Variants in FARP1 observed in about 807,000 individuals in gnomAD.
The protein encoded by FARP1 is FERM, ARH/RhoGEF and pleckstrin domain protein 1, also known as FERM, ARHGEF and pleckstrin domain-containing protein 1.
Under a neutral mutation model 128.8 loss-of-function variants are expected in FARP1, and 52 were observed. The ratio of observed to expected loss-of-function variants is 0.40; its 90% CI spans 0.32 to 0.51. The LOEUF is 0.51. Among genes scored for constraint, FARP1 ranks in the 20% least tolerant of loss-of-function variants. The pLI is 0.45. For missense variants in FARP1, 1,333 were observed against 1,367.9 expected (o/e 0.97, Z 0.40); for synonymous variants, 580 against 551.8 (o/e 1.05, Z -0.72).
chr13:98,423,378 A>G (rs1449597449), intron 16 of FARP1, among the ~76,000 whole-genome samples: 1 of 152,068 alleles, frequency 6.6e-6, no homozygotes, highest in Admixed American at 6.5e-5. Flanking sequence ...CACTTTGAAG[A>G]TCTCTCACTT....
At chr13:98,164,120 A>T (rs1236685473) in intron 1 of FARP1, among the ~76,000 whole-genome samples, 3 of 152,182 alleles carry the variant, frequency 2.0e-5, no homozygotes, top group East Asian at 1.9e-4. Flanking sequence ...AGTCCTGTGA[A>T]TGCCTTACTT....
chr13:98,358,233 A>G (rs1390583648), intron 3 of FARP1, among the ~76,000 whole-genome samples: 2 of 151,238 alleles, frequency 1.3e-5, no homozygotes, highest in African/African-American at 4.9e-5. Flanking sequence ...CATCTCTTGC[A>G]CTCATGGATT....
chr13:98,246,846 C>G (rs1179973796), intron 2 of FARP1, among the ~76,000 whole-genome samples: 1 of 152,180 alleles, frequency 6.6e-6, no homozygotes, highest in Admixed American at 6.5e-5. Flanking sequence ...CCAGCTGTTC[C>G]TTGAGCCCAT....
intron 6 of FARP1, 93 bp downstream of exon 6, chr13:98,378,011 T>C: frequency 3.1e-6 from 3 of 966,790 alleles, no homozygotes; most frequent in Non-Finnish European, 4.9e-6. Flanking sequence ...AAAAAGAAAG[T>C]GTCAATGTTT....
chr13:98,312,154 T>TTTTTTTTTTC (rs1566863747), intron 2 of FARP1, among the ~76,000 whole-genome samples: 6 of 146,486 alleles, frequency 4.1e-5, no homozygotes, highest in African/African-American at 1.3e-4. Context: ...TTTTTTTTTT[T>TTTTTTTTTTC]CTTTGAGACG....
intron 1 of FARP1, among the ~76,000 whole-genome samples, chr13:98,177,439 C>A (rs984662098): frequency 6.6e-6 from 1 of 152,036 alleles, no homozygotes; most frequent in Non-Finnish European, 1.5e-5. Context: ...CCGAGGTCAG[C>A]AGTTTAAGAC....
intron 2 of FARP1, among the ~76,000 whole-genome samples, chr13:98,279,877 G>A (rs1566827581): frequency 2.6e-5 from 4 of 152,030 alleles, no homozygotes; most frequent in African/African-American, 4.8e-5. Context: ...TTGTGGCCCC[G>A]GTACCAGGCG....
intron 16 of FARP1, among the ~76,000 whole-genome samples, chr13:98,419,163 C>G (rs1296798675): frequency 6.6e-6 from 1 of 152,132 alleles, no homozygotes; most frequent in African/African-American, 2.4e-5. Flanking sequence ...TCACATGTGG[C>G]TGATACATAT....
chr13:98,150,600 C>G (rs893642324), intron 1 of FARP1, among the ~76,000 whole-genome samples: 1 of 152,076 alleles, frequency 6.6e-6, no homozygotes, highest in Non-Finnish European at 1.5e-5. Flanking sequence ...ACTTATTTAA[C>G]GTCAGGAAAT....
intron 2 of FARP1, among the ~76,000 whole-genome samples, chr13:98,286,934 A>G (rs145284662): frequency 6.6e-4 from 100 of 152,312 alleles, no homozygotes; most frequent in African/African-American, 2.2e-3. Context: ...ATATCACATC[A>G]TTTTGTTACC....
At chr13:98,186,844 T>C (rs1878907894) in intron 1 of FARP1, among the ~76,000 whole-genome samples, 1 of 151,544 alleles carries the variant, frequency 6.6e-6, no homozygotes, top group African/African-American at 2.4e-5. Context: ...ATACAAAAAT[T>C]AGCTGGGCGT....
intron 3 of FARP1, among the ~76,000 whole-genome samples, chr13:98,356,477 C>T (rs768082338): frequency 3.3e-5 from 5 of 152,062 alleles, no homozygotes; most frequent in East Asian, 3.8e-4. Flanking sequence ...TGTCACTATG[C>T]GGTGCATGAC....
At position 98,437,239 on chromosome 13, in the gene FARP1, G is replaced by C. The variant is rs376273235; in HGVS notation, c.2274+1533G>C. Among the ~76,000 whole-genome samples, 10 of 152,340 alleles carry C rather than the reference G, an allele frequency of 6.6e-5. 1 individual carries two copies. The highest frequency in any genetic ancestry group is 3.9e-4 in the East Asian group (2 of 5,192). ...ATCACACACTGGCCGATCAGGTGAT[G>C]ATGGGCAAGTTTCTTAATCATTTGC... On this transcript the variant is annotated intron_variant, in intron 19 of 26. Coordinates refer to ENST00000319562, the MANE Select transcript of FARP1 (RefSeq NM_005766.4).
rs1207619102 is a variant in FARP1, at chr13:98,378,054, A to T, written c.496+136A>T. On this transcript the variant is annotated intron_variant, in intron 6 of 26. Transcript: ENST00000319562. The stretch of plus-strand genomic sequence containing the variant: ...ATTTTTGCTGTTCGTATGAAGGCCT[A>T]CGGGTGGAAGAGAAAAACAATACTC... 1.4e-5 allele frequency: 9 copies of T among 657,940 alleles called. No homozygotes were observed. In the East Asian group the frequency reaches 2.2e-4, roughly 16 times the overall value. The allele number at this position is 657,940 out of a possible 1,614,324, so 40.8% of individuals were successfully genotyped here. A position where few individuals can be genotyped will look rare whatever the true frequency, so the allele number is the denominator to read the frequency against.
chr13:98,154,865 G>A (rs1315016458), intron 1 of FARP1, among the ~76,000 whole-genome samples: 1 of 152,150 alleles, frequency 6.6e-6, no homozygotes, highest in Non-Finnish European at 1.5e-5. Context: ...TGTGGGTGAG[G>A]ACTTTGGAAA....
chr13:98,261,878 G>T (rs1883897757), intron 2 of FARP1, among the ~76,000 whole-genome samples: 1 of 152,100 alleles, frequency 6.6e-6, no homozygotes, highest in East Asian at 1.9e-4. Flanking sequence ...CCATGACCCA[G>T]ACACCTCTCA....
At chr13:98,302,803 T>C (rs989273106) in intron 2 of FARP1, among the ~76,000 whole-genome samples, 2 of 152,182 alleles carry the variant, frequency 1.3e-5, no homozygotes, top group Non-Finnish European at 2.9e-5. Flanking sequence ...GCAGCTCTTA[T>C]CTGCAGCTGT....
intron 2 of FARP1, among the ~76,000 whole-genome samples, chr13:98,323,156 A>G (rs548482416): frequency 2.6e-5 from 4 of 152,310 alleles, no homozygotes; most frequent in South Asian, 2.1e-4. Context: ...GTTGCTTACA[A>G]TCCTTAAAAT....
At chr13:98,158,167 CA>C (rs1304048583) in intron 1 of FARP1, among the ~76,000 whole-genome samples, 2 of 152,182 alleles carry the variant, frequency 1.3e-5, no homozygotes, top group Non-Finnish European at 2.9e-5. Context: ...AAAGTTCCCA[CA>C]AATTTTTATT....
Sources: allele counts gnomAD v4.1 joint callset (sites outside exome capture counted in the v4.1 genomes callset), GRCh38; gene constraint gnomAD v4.1.1; transcripts MANE v1.5; gene names NCBI Gene and HGNC (gene_info 2026-07-23, HGNC 2026-07-21).